Variants in FAM81A observed in about 807,000 individuals in gnomAD.
FAM81A encodes family with sequence similarity 81 member A.
A neutral mutation model predicts 46.7 loss-of-function variants in FAM81A; 19 were observed. The observed-to-expected ratio is 0.41, with a 90% CI of 0.28 to 0.60. The LOEUF is 0.60. Ranked by LOEUF, FAM81A falls within the 20% of genes least tolerant of loss-of-function variation. The probability of loss-of-function intolerance (pLI) is 0.34; values close to 1 mark genes in which losing one functional copy is unlikely to be tolerated. For missense variants in FAM81A, 377 were observed against 453.5 expected, an observed-to-expected ratio of 0.83 and a Z score of 1.53; for synonymous variants, 183 against 152.9, an observed-to-expected ratio of 1.20 and a Z score of -1.45.
intron 4 of FAM81A, among the ~76,000 whole-genome samples, chr15:59,496,070 A>G (rs531342706): frequency 6.6e-6 from 1 of 152,152 alleles, no homozygotes; most frequent in Admixed American, 6.5e-5. Flanking sequence ...TTGGGGTGTC[A>G]TATTTAAGAA....
intron 1 of FAM81A, chr15:59,401,631 C>T: frequency 1.1e-6 from 1 of 909,724 alleles, no homozygotes; most frequent in Non-Finnish European, 1.8e-6. Flanking sequence ...TGGGCACATA[C>T]TTTAGGCAGA....
intron 3 of FAM81A, among the ~76,000 whole-genome samples, chr15:59,488,030 T>G (rs1164555001): frequency 1.3e-5 from 2 of 152,224 alleles, no homozygotes; most frequent in East Asian, 3.9e-4. Flanking sequence ...AACAAAATAC[T>G]GGGAAACTGA....
At chr15:59,439,150 C>T (rs1216655816) in intron 1 of FAM81A, 3 of 150,444 alleles carry the variant, frequency 2.0e-5, no homozygotes, top group Non-Finnish European at 4.4e-5. Context: ...GCGCTCTCGT[C>T]CTCAGCTCAA....
At chr15:59,471,462 ATTCATGTTC>A (rs2081688398) in intron 3 of FAM81A, among the ~76,000 whole-genome samples, 1 of 151,838 alleles carries the variant, frequency 6.6e-6, no homozygotes, top group Non-Finnish European at 1.5e-5. Context: ...TGTTTGCATA[ATTCATGTTC>A]TTTTTTTTCT....
upstream of FAM81A, among the ~76,000 whole-genome samples, chr15:59,436,028 T>C (rs896731311): frequency 1.3e-5 from 2 of 152,238 alleles, no homozygotes; most frequent in African/African-American, 4.8e-5. Context: ...GTCATGGGCC[T>C]GATTCAAGAC....
At chr15:59,425,085 A>G (rs1420173805) in intron 2 of FAM81A, among the ~76,000 whole-genome samples, 1 of 152,124 alleles carries the variant, frequency 6.6e-6, no homozygotes, top group Non-Finnish European at 1.5e-5. Flanking sequence ...GGGTCTTGCT[A>G]TGTTGACTAG....
chr15:59,477,476 C>T (rs183549282), intron 3 of FAM81A, among the ~76,000 whole-genome samples: 14 of 152,212 alleles, frequency 9.2e-5, no homozygotes, highest in African/African-American at 2.2e-4. Flanking sequence ...CTAGTCAAAT[C>T]GAGATATATT....
chr15:59,486,036 A>G (rs997327385), intron 3 of FAM81A, among the ~76,000 whole-genome samples: 6 of 152,110 alleles, frequency 3.9e-5, no homozygotes, highest in African/African-American at 1.4e-4. Context: ...GAAATTAGCC[A>G]GGTGTGGTGG....
At chr15:59,502,485 C>CTGTGTGTGTGTGTGTGTGTGTGTG (rs71119478) in intron 4 of FAM81A, among the ~76,000 whole-genome samples, 1 of 138,204 alleles carries the variant, frequency 7.2e-6, no homozygotes, top group Admixed American at 7.3e-5. Context: ...GTTGACTTCA[C>CTGTGTGTGTGTGTGTGTGTGTGTG]TGTGTGTGTG....
chr15:59,432,773 A>C lies in FAM81A; in HGVS notation c.-77-25777A>C, dbSNP rs150474843. Among the ~76,000 whole-genome samples the C allele has an allele frequency of 3.0e-3, 456 of 152,262 alleles. 2 individuals carry two copies. Among genetic ancestry groups the C allele is most frequent in the African/African-American group, 0.01 (423 of 41,546 alleles). On this transcript the variant is annotated intron_variant, in intron 2 of 4. Coordinates refer to the FAM81A transcript ENST00000558348. Reference sequence around the variant, plus strand: ...GGCCAGGGCTGAGGGGAGGTGAGTGAGGCAAAATTTAAGGTGCGACATTTA... The same window carrying C: ...GGCCAGGGCTGAGGGGAGGTGAGTGCGGCAAAATTTAAGGTGCGACATTTA...
chr15:59,470,201 C>G (rs1293146477), intron 3 of FAM81A, among the ~76,000 whole-genome samples: 7 of 152,144 alleles, frequency 4.6e-5, no homozygotes, highest in African/African-American at 1.4e-4. Context: ...TTGCTCTTCT[C>G]TAGGAGTATC....
intron 1 of FAM81A, chr15:59,402,200 G>A (rs1453187914): frequency 5.2e-6 from 1 of 191,706 alleles, no homozygotes; most frequent in Non-Finnish European, 1.1e-5. Flanking sequence ...ATCAGCCGTG[G>A]ATAATGTTAG....
At chr15:59,480,748 T>C (rs914867129) in intron 3 of FAM81A, among the ~76,000 whole-genome samples, 1 of 152,148 alleles carries the variant, frequency 6.6e-6, no homozygotes, top group Non-Finnish European at 1.5e-5. Context: ...AGCAATGCCA[T>C]ATATAACGAT....
chr15:59,515,945 T>C (rs1282594828), intron 7 of FAM81A, among the ~76,000 whole-genome samples: 2 of 152,194 alleles, frequency 1.3e-5, no homozygotes, highest in African/African-American at 4.8e-5. Flanking sequence ...TTTAACTTTT[T>C]GCCAACCCTA....
At chr15:59,443,701 C>T (rs982639013) in intron 1 of FAM81A, among the ~76,000 whole-genome samples, 1 of 152,148 alleles carries the variant, frequency 6.6e-6, no homozygotes, top group Non-Finnish European at 1.5e-5. Context: ...CTGTTCCTTG[C>T]ACTCCCACAT....
intron 3 of FAM81A, among the ~76,000 whole-genome samples, chr15:59,487,658 A>C (rs771945667): frequency 1.3e-5 from 2 of 152,162 alleles, no homozygotes; most frequent in Non-Finnish European, 2.9e-5. Flanking sequence ...AACCTAGAAG[A>C]AATGGATAAA....
intron 1 of FAM81A, among the ~76,000 whole-genome samples, chr15:59,454,524 CACAAATAATCATTTTGATTTAGATAAT>C (rs2081459064): frequency 6.6e-6 from 1 of 152,184 alleles, no homozygotes; most frequent in African/African-American, 2.4e-5. Flanking sequence ...TCCTCATAAT[CACAAATAATCATTTTGATTTAGATAAT>C]AGCATTTCAC....
intron 4 of FAM81A, among the ~76,000 whole-genome samples, chr15:59,501,000 A>C (rs141779209): frequency 2.4e-4 from 36 of 152,086 alleles, no homozygotes; most frequent in Non-Finnish European, 4.3e-4. Context: ...TCTGACATCT[A>C]TGTCCTCTTA....
intron 1 of FAM81A, among the ~76,000 whole-genome samples, chr15:59,442,991 G>C (rs2081316771): frequency 6.6e-6 from 1 of 152,118 alleles, no homozygotes; most frequent in African/African-American, 2.4e-5. Context: ...TTAGCATTAA[G>C]AGCTATTATC....
Sources: gnomAD v4.1 joint callset for allele counts (sites outside exome capture counted in the v4.1 genomes callset) on GRCh38, gnomAD v4.1.1 for gene constraint, MANE v1.5 for transcripts, NCBI Gene and HGNC (gene_info 2026-07-23, HGNC 2026-07-21) for gene names.